Variants in PDZRN3 observed in about 807,000 individuals in gnomAD.
PDZRN3 encodes the protein E3 ubiquitin-protein ligase PDZRN3.
Under a neutral mutation model 85.7 loss-of-function variants are expected in PDZRN3, and 38 were observed. That is an observed-to-expected ratio of 0.44 (90% CI 0.34 to 0.58). The LOEUF is 0.58. Among genes scored for constraint, PDZRN3 ranks in the 20% least tolerant of loss-of-function variants. The pLI is 0.01. For missense variants in PDZRN3, 1,629 were observed against 1,506.4 expected (o/e 1.08, Z -1.35); for synonymous variants, 759 against 638.0 (o/e 1.19, Z -2.86).
At chr3:73,462,760 G>A (rs1703134626) in intron 3 of PDZRN3, among the ~76,000 whole-genome samples, 1 of 152,166 alleles carries the variant, frequency 6.6e-6, no homozygotes, top group Non-Finnish European at 1.5e-5. Context: ...CATCGTTTAA[G>A]TGGCCACCAC....
intron 1 of PDZRN3, among the ~76,000 whole-genome samples, chr3:73,613,488 T>A (rs1702714522): frequency 6.6e-6 from 1 of 151,598 alleles, no homozygotes; most frequent in African/African-American, 2.4e-5. Context: ...AGTCTGGGAG[T>A]ACAGGGTACT....
rs534860232 is a variant in PDZRN3, at chr3:73,516,183, G to A, written c.918+86171C>T. 8.5e-5 allele frequency among the ~76,000 whole-genome samples: 13 copies of A among 152,062 alleles called. No individual in the cohort carries two copies. The East Asian group carries it at 2.3e-3, about 27-fold the overall frequency. ...GCATAATGTTACAAGTAGCATTCTT[G>A]TGTGCATGTATGTGTGCCTGTATAC... is the stretch of plus-strand genomic sequence containing the variant. On this transcript the variant is annotated intron_variant, in intron 3 of 9. Transcript: ENST00000263666.
Position 73,382,494 on chromosome 3 carries a change from A to ATCAAATAGAAAATAATAATTTATTTT in PDZRN3, c.*845_*870dup, listed in dbSNP as rs1703252259. 6.6e-6 allele frequency: 1 copy of ATCAAATAGAAAATAATAATTTATTTT among 152,656 alleles called. No individual in the cohort carries two copies. The highest frequency in any genetic ancestry group is 2.1e-4 in the South Asian group (1 of 4,834). The allele number at this position is 152,656 out of a possible 1,614,324, so 9.5% of individuals were successfully genotyped here. On this transcript the variant is annotated 3_prime_UTR_variant, in exon 10 of 10. Coordinates refer to ENST00000263666, the MANE Select transcript of PDZRN3 (RefSeq NM_015009.3). Reference sequence around the variant, plus strand: ...AAAATGAGGAATCACATCAAAACATATCAAATAGAAAATAATAATTTATTT... The same window carrying ATCAAATAGAAAATAATAATTTATTTT: ...AAAATGAGGAATCACATCAAAACATATCAAATAGAAAATAATAATTTATTTTTCAAATAGAAAATAATAATTTATTT...
intron 5 of PDZRN3, among the ~76,000 whole-genome samples, chr3:73,393,492 G>A (rs1399225455): frequency 6.6e-6 from 1 of 152,194 alleles, no homozygotes; most frequent in East Asian, 1.9e-4. Context: ...TTGTCTCACT[G>A]GACAAGGTGT....
chr3:73,555,118 G>C (rs1454755536), intron 3 of PDZRN3, among the ~76,000 whole-genome samples: 1 of 152,042 alleles, frequency 6.6e-6, no homozygotes, highest in African/African-American at 2.4e-5. Flanking sequence ...TAGCCAATGT[G>C]TTGTTATTTT....
intron 2 of PDZRN3, among the ~76,000 whole-genome samples, chr3:73,607,079 C>A (rs1702611997): frequency 6.6e-6 from 1 of 152,304 alleles, no homozygotes; most frequent in African/African-American, 2.4e-5. Context: ...CAACTCTGTT[C>A]CTGCTCCAGG....
At chr3:73,602,076 C>T (rs1345420522) in intron 3 of PDZRN3, among the ~76,000 whole-genome samples, 3 of 152,070 alleles carry the variant, frequency 2.0e-5, no homozygotes, top group Non-Finnish European at 4.4e-5. Context: ...GGTTTTCGCG[C>T]GAAACTGTAA....
intron 5 of PDZRN3, 129 bp downstream of exon 5, chr3:73,400,793 G>A (rs940392214): frequency 1.4e-6 from 1 of 715,640 alleles, no homozygotes; most frequent in Non-Finnish European, 2.6e-6. Flanking sequence ...AAGGGCATCA[G>A]TAAAAGTGGT....
At chr3:73,393,825 T>G (rs1701581409) in intron 5 of PDZRN3, among the ~76,000 whole-genome samples, 1 of 152,246 alleles carries the variant, frequency 6.6e-6, no homozygotes, top group Non-Finnish European at 1.5e-5. Context: ...TTTGGCCTAC[T>G]ACCAAACATG....
At position 73,453,404 on chromosome 3, in the gene PDZRN3, C is replaced by CAAAAAAAAAAAAAAAAAAA. The variant is rs1184407369; in HGVS notation, c.919-49028_919-49010dup. 5.1e-5 allele frequency among the ~76,000 whole-genome samples: 5 copies of CAAAAAAAAAAAAAAAAAAA among 97,540 alleles called. 1 individual carries two copies. Among genetic ancestry groups the CAAAAAAAAAAAAAAAAAAA allele is most frequent in the Non-Finnish European group, 1.0e-4 (5 of 47,654 alleles). The allele number at this position is 97,540 out of a possible 152,430, so 64.0% of individuals were successfully genotyped here. On this transcript the variant is annotated intron_variant, in intron 3 of 9. Transcript: ENST00000263666. ...CTAGAGACAGAGTGAGACTTCGTCT[C>CAAAAAAAAAAAAAAAAAAA]AAAAAAAAAAAAAAAAAAACAAAAA... is the stretch of plus-strand genomic sequence containing the variant.
intron 3 of PDZRN3, among the ~76,000 whole-genome samples, chr3:73,434,566 A>G (rs1474312089): frequency 6.6e-6 from 1 of 152,192 alleles, no homozygotes; most frequent in Admixed American, 6.5e-5. Context: ...TCAATTCCAA[A>G]AGCAGAAAGT....
chr3:73,590,086 T>C (rs1702334163), intron 3 of PDZRN3, among the ~76,000 whole-genome samples: 2 of 151,798 alleles, frequency 1.3e-5, no homozygotes, highest in Admixed American at 1.3e-4. Context: ...CTGGAAAACA[T>C]GGCGACACCC....
chr3:73,425,173 C>G (rs1190926519), intron 3 of PDZRN3, among the ~76,000 whole-genome samples: 1 of 151,968 alleles, frequency 6.6e-6, no homozygotes, highest in Non-Finnish European at 1.5e-5. Context: ...TGCCACCACG[C>G]CTGTCTAATT....
At chr3:73,523,852 A>G (rs1054387813) in intron 3 of PDZRN3, among the ~76,000 whole-genome samples, 2 of 152,180 alleles carry the variant, frequency 1.3e-5, no homozygotes, top group African/African-American at 4.8e-5. Flanking sequence ...AACTGGCAGA[A>G]AGGAGGCAGA....
chr3:73,411,661 A>G (rs1181663960), intron 3 of PDZRN3, among the ~76,000 whole-genome samples: 1 of 152,188 alleles, frequency 6.6e-6, no homozygotes, highest in Non-Finnish European at 1.5e-5. Flanking sequence ...AGCCCTGGAC[A>G]CATAGAAGGG....
At chr3:73,621,458 T>G (rs1283533719) in intron 1 of PDZRN3, among the ~76,000 whole-genome samples, 1 of 152,206 alleles carries the variant, frequency 6.6e-6, no homozygotes, top group Non-Finnish European at 1.5e-5. Flanking sequence ...TATAAATCCT[T>G]CTGCCTTTTA....
At chr3:73,406,241 G>A (rs1434598508) in intron 3 of PDZRN3, among the ~76,000 whole-genome samples, 2 of 152,190 alleles carry the variant, frequency 1.3e-5, no homozygotes, top group East Asian at 1.9e-4. Context: ...CTCCCTTTGA[G>A]AAAAGAATGA....
chr3:73,563,009 ATATATTTTTTT>A (rs1194001412), intron 3 of PDZRN3, among the ~76,000 whole-genome samples: 12 of 39,674 alleles, frequency 3.0e-4, no homozygotes, highest in East Asian at 9.2e-4. Context: ...ATATATATAT[ATATATTTTTTT>A]TTTTTTTTTT....
At chr3:73,450,490 A>C (rs546887355) in intron 3 of PDZRN3, among the ~76,000 whole-genome samples, 1 of 152,350 alleles carries the variant, frequency 6.6e-6, no homozygotes, top group African/African-American at 2.4e-5. Context: ...TCACGTAATC[A>C]GGCACATTAA....
Sources: allele counts gnomAD v4.1 joint callset (sites outside exome capture counted in the v4.1 genomes callset), GRCh38; gene constraint gnomAD v4.1.1; transcripts MANE v1.5; gene names NCBI Gene and HGNC (gene_info 2026-07-23, HGNC 2026-07-21).